The following PCLO variants were observed in gnomAD, a reference collection of about 807,000 sequenced individuals.
The protein encoded by PCLO is piccolo presynaptic cytomatrix protein, also known as protein piccolo.
Under a neutral mutation model 427.5 loss-of-function variants are expected in PCLO, and 82 were observed. The ratio of observed to expected loss-of-function variants is 0.19; its 90% CI spans 0.16 to 0.23. The LOEUF (loss-of-function observed/expected upper bound fraction) is 0.23, where lower values mean the gene tolerates loss of function less well. Ranked by LOEUF, PCLO falls within the 10% of genes least tolerant of loss-of-function variation. The pLI is 1.00. For missense variants in PCLO, 6,239 were observed against 6,115.9 expected (o/e 1.02, Z -0.67); for synonymous variants, 2,357 against 2,155.4 (o/e 1.09, Z -2.59).
intron 6 of PCLO, among the ~76,000 whole-genome samples, chr7:82,946,351 A>G (rs1237610355): frequency 6.6e-6 from 1 of 152,228 alleles, no homozygotes; most frequent in East Asian, 1.9e-4. Flanking sequence ...TATAGTGGCA[A>G]GAGAAGCAAA....
intron 22 of PCLO, among the ~76,000 whole-genome samples, chr7:82,765,282 T>C (rs1790510037): frequency 1.3e-5 from 2 of 151,882 alleles, no homozygotes; most frequent in Non-Finnish European, 2.9e-5. Flanking sequence ...CATATTCTTC[T>C]ATCTGCTATC....
At chr7:82,765,940 G>A (rs568795721) in intron 22 of PCLO, among the ~76,000 whole-genome samples, 32 of 152,094 alleles carry the variant, frequency 2.1e-4, no homozygotes, top group African/African-American at 6.3e-4. Flanking sequence ...CAGTACCAAC[G>A]AAGCAAGGAA....
In PCLO at chr7:83,029,613, A is replaced by G. The variant is rs1469432119; in HGVS notation, c.3301-63126T>C. On this transcript the variant is annotated intron_variant, in intron 3 of 24. Coordinates refer to ENST00000333891, the MANE Select transcript of PCLO (RefSeq NM_033026.6). ...TGACCCAGCCATCCCATTACTGGGT[A>G]TATACCCAAAGGACTATAAATCATG... Among the ~76,000 whole-genome samples the G allele has an allele frequency of 8.7e-5, 11 of 125,936 alleles. No individual in the cohort carries two copies. In the South Asian group the frequency reaches 1.3e-3, roughly 14 times the overall value. 82.6% of individuals were successfully genotyped at this position (125,936 alleles called of 152,430 possible). A position where few individuals can be genotyped will look rare whatever the true frequency, so the allele number is the denominator to read the frequency against.
intron 10 of PCLO, among the ~76,000 whole-genome samples, chr7:82,874,152 T>C (rs1031340755): frequency 8.6e-5 from 13 of 151,114 alleles, no homozygotes; most frequent in African/African-American, 2.9e-4. Context: ...TTAATAAGTA[T>C]CCTACTTTTG....
At chr7:82,848,588 G>A (rs1792568201) in intron 10 of PCLO, among the ~76,000 whole-genome samples, 1 of 151,956 alleles carries the variant, frequency 6.6e-6, no homozygotes, top group Non-Finnish European at 1.5e-5. Flanking sequence ...TGGGATTATA[G>A]GCATAAGCCA....
intron 9 of PCLO, among the ~76,000 whole-genome samples, chr7:82,882,869 A>G (rs1464267563): frequency 2.0e-5 from 3 of 152,130 alleles, no homozygotes; most frequent in African/African-American, 7.2e-5. Flanking sequence ...TACAGATTAC[A>G]TCTAATTTTA....
At chr7:83,085,753 T>C (rs1184216618) in intron 3 of PCLO, among the ~76,000 whole-genome samples, 1 of 152,196 alleles carries the variant, frequency 6.6e-6, no homozygotes. Flanking sequence ...TTAATCCAAG[T>C]TTCTTTTATA....
chr7:82,812,034 A>G (rs1295381188), intron 20 of PCLO, among the ~76,000 whole-genome samples: 1 of 151,500 alleles, frequency 6.6e-6, no homozygotes, highest in Non-Finnish European at 1.5e-5. Flanking sequence ...ATTTCCCTTA[A>G]GATATGTCAT....
chr7:83,042,042 G>A (rs1168143392), intron 3 of PCLO, among the ~76,000 whole-genome samples: 2 of 152,004 alleles, frequency 1.3e-5, no homozygotes, highest in Non-Finnish European at 2.9e-5. Context: ...TATATTCTGT[G>A]GTGCTATAGC....
chr7:82,803,555 C>T (rs1471452472), intron 21 of PCLO, among the ~76,000 whole-genome samples: 1 of 152,092 alleles, frequency 6.6e-6, no homozygotes, highest in African/African-American at 2.4e-5. Context: ...ATACAAAAAA[C>T]TTTCATAGGA....
chr7:82,888,195 C>A (rs1793673673), intron 9 of PCLO, among the ~76,000 whole-genome samples: 1 of 152,126 alleles, frequency 6.6e-6, no homozygotes, highest in Admixed American at 6.6e-5. Flanking sequence ...CTTGTAGGAT[C>A]TGTTTTGTTC....
chr7:83,031,119 G>T (rs567337489), intron 3 of PCLO, among the ~76,000 whole-genome samples: 235 of 152,172 alleles, frequency 1.5e-3, no homozygotes, highest in African/African-American at 5.4e-3. Context: ...TAGTAAATTA[G>T]GGATAACAGC....
At chr7:83,020,089 G>C (rs915115700) in intron 3 of PCLO, among the ~76,000 whole-genome samples, 6 of 152,026 alleles carry the variant, frequency 3.9e-5, no homozygotes, top group African/African-American at 1.2e-4. Flanking sequence ...ACTTAACTTA[G>C]ATGGAAAGCA....
intron 3 of PCLO, among the ~76,000 whole-genome samples, chr7:82,981,644 C>T (rs1796149205): frequency 6.6e-6 from 1 of 151,880 alleles, no homozygotes; most frequent in South Asian, 2.1e-4. Context: ...CAACTTTTCT[C>T]AGGTAGTCTG....
chr7:82,990,072 C>A (rs1273480548), intron 3 of PCLO, among the ~76,000 whole-genome samples: 1 of 152,066 alleles, frequency 6.6e-6, no homozygotes, highest in Non-Finnish European at 1.5e-5. Context: ...GGGAAGGGGA[C>A]TTTAAGTTAG....
intron 3 of PCLO, among the ~76,000 whole-genome samples, chr7:83,082,115 A>G (rs1790115994): frequency 6.6e-6 from 1 of 151,244 alleles, no homozygotes; most frequent in South Asian, 2.1e-4. Context: ...TTCCTATACT[A>G]TACACACACA....
In PCLO at chr7:82,966,158, T is replaced by G. The variant is rs759069032; in HGVS notation, c.3630A>C (p.Glu1210Asp). ...TTTTTTCTTCAGGGAGTGGCTTTTT[T>G]TCTTGAAGAGCTGAAGCTTTGTCTT... ...LEKDKASALQEKKPLPEEKKL... is the reference protein window; with the variant it reads ...LEKDKASALQDKKPLPEEKKL... The change falls in exon 4 of 25, where the codon GAA becomes GAC. Residue 1210 changes from glutamate to aspartate, a missense_variant. Glu to Asp is a conservative substitution (Grantham distance 45). Around this residue, in one of 5 missense-constraint regions of PCLO, gnomAD observed 4,677 missense variants for 4,468.4 expected, o/e 1.05. Transcript: ENST00000333891. 1.2e-6 allele frequency: 2 copies of G among 1,609,772 alleles called. No homozygotes were observed. The highest frequency in any genetic ancestry group is 4.5e-5 in the East Asian group (2 of 44,850).
chr7:83,018,772 T>G (rs978455368), intron 3 of PCLO, among the ~76,000 whole-genome samples: 3 of 151,990 alleles, frequency 2.0e-5, no homozygotes, highest in Non-Finnish European at 2.9e-5. Flanking sequence ...CTTTTGAAAC[T>G]CAATTTGGAA....
chr7:82,880,668 G>A (rs1793484626), intron 9 of PCLO, among the ~76,000 whole-genome samples: 1 of 152,136 alleles, frequency 6.6e-6, no homozygotes, highest in African/African-American at 2.4e-5. Flanking sequence ...CAGGGATGTT[G>A]CTAAACATCC....
Sources: gnomAD v4.1 joint callset for allele counts (sites outside exome capture counted in the v4.1 genomes callset) on GRCh38, gnomAD v4.1.1 for gene constraint, gnomAD v4.1.1 regional missense constraint, MANE v1.5 for transcripts, NCBI Gene and HGNC (gene_info 2026-07-23, HGNC 2026-07-21) for gene names.